PNPLA1: variants seen among roughly 807,000 people sequenced by gnomAD.
The protein encoded by PNPLA1 is patatin like domain 1, omega-hydroxyceramide transacylase, also known as omega-hydroxyceramide transacylase.
A neutral mutation model predicts 51.7 loss-of-function variants in PNPLA1; 36 were observed. The observed-to-expected ratio is 0.70, with a 90% CI of 0.53 to 0.92. The LOEUF (loss-of-function observed/expected upper bound fraction) is 0.92. Among genes scored for constraint, PNPLA1 ranks in the 40% least tolerant of loss-of-function variants. PNPLA1 has a pLI of 0.00. For missense variants in PNPLA1, 658 were observed against 682.5 expected (o/e 0.96, Z 0.40); for synonymous variants, 293 against 280.1 (o/e 1.05, Z -0.46).
At chr6:36,247,146 A>G (rs1378375822) in intron 1 of PNPLA1, among the ~76,000 whole-genome samples, 3 of 152,096 alleles carry the variant, frequency 2.0e-5, no homozygotes, top group African/African-American at 7.2e-5. Flanking sequence ...TTCCTGGTCA[A>G]GCTTGAGCCC....
At chr6:36,278,726 G>A (rs1770187599) in intron 1 of PNPLA1, among the ~76,000 whole-genome samples, 1 of 152,306 alleles carries the variant, frequency 6.6e-6, no homozygotes, top group South Asian at 2.1e-4. Flanking sequence ...TTTGAGCCCA[G>A]TTCCCTCAAG....
chr6:36,274,868 C>T (rs1396173353), intron 1 of PNPLA1, among the ~76,000 whole-genome samples: 1 of 152,202 alleles, frequency 6.6e-6, no homozygotes, highest in Non-Finnish European at 1.5e-5. Context: ...CCACCTTTCC[C>T]TGTTTTTTCC....
chr6:36,269,387 G>A (rs568865409), upstream of PNPLA1, among the ~76,000 whole-genome samples: 75 of 152,308 alleles, frequency 4.9e-4, no homozygotes, highest in African/African-American at 1.7e-3. Context: ...AGCCCCTGGA[G>A]CTAACCCTGG....
chr6:36,270,728 C>G, intron 1 of PNPLA1, 64 bp downstream of exon 1: 2 of 1,516,890 alleles, frequency 1.3e-6, no homozygotes, highest in Non-Finnish European at 1.8e-6. Context: ...ACAGAAGGAG[C>G]GTGAGGGAGG....
Position 36,279,823 on chromosome 6 carries a change from C to T in PNPLA1, c.205+9159C>T, listed in dbSNP as rs570161384. Among the ~76,000 whole-genome samples the T allele has an allele frequency of 5.9e-5, 9 of 152,302 alleles. No individual in the cohort carries two copies. In the East Asian group the frequency reaches 7.7e-4, roughly 13 times the overall value. On this transcript the variant is annotated intron_variant, in intron 1 of 8. Coordinates refer to ENST00000636260, the MANE Select transcript of PNPLA1 (RefSeq NM_001374623.1). ...TGAATGTTGAATGAATGGATGAATA[C>T]GTGAAAAGAAAATTACCTTGAAATA... is the stretch of plus-strand genomic sequence containing the variant.
chr6:36,244,649 G>A (rs988977708), intron 1 of PNPLA1, among the ~76,000 whole-genome samples: 1 of 152,186 alleles, frequency 6.6e-6, no homozygotes, highest in Non-Finnish European at 1.5e-5. Flanking sequence ...CCTAGAAGGG[G>A]AGATGCTGAA....
chr6:36,244,127 C>G (rs1045414706), intron 1 of PNPLA1, among the ~76,000 whole-genome samples: 15 of 152,116 alleles, frequency 9.9e-5, no homozygotes, highest in African/African-American at 3.4e-4. Context: ...CCTCTTCCAC[C>G]TCCTTTTTCT....
intron 1 of PNPLA1, among the ~76,000 whole-genome samples, chr6:36,256,633 A>T (rs1769539599): frequency 6.6e-6 from 1 of 151,952 alleles, no homozygotes; most frequent in South Asian, 2.1e-4. Context: ...TTTTTAGTGG[A>T]GACGGGGTTT....
At chr6:36,273,728 CAAAAAAAAAAAA>C (rs57186870) in intron 1 of PNPLA1, among the ~76,000 whole-genome samples, 1 of 48,208 alleles carries the variant, frequency 2.1e-5, no homozygotes, top group Non-Finnish European at 3.4e-5. Context: ...GACCCCATCG[CAAAAAAAAAAAA>C]AAAAAAAAAA....
chr6:36,292,917 C>T (rs1770732320), intron 2 of PNPLA1, 144 bp from the exon 3 acceptor site: 6 of 622,434 alleles, frequency 9.6e-6, no homozygotes, highest in South Asian at 7.2e-5. Flanking sequence ...GAACTGAACT[C>T]GGAGCTTTGC....
At chr6:36,303,936 T>C (rs990948147) in intron 6 of PNPLA1, among the ~76,000 whole-genome samples, 4 of 152,192 alleles carry the variant, frequency 2.6e-5, no homozygotes, top group Admixed American at 6.5e-5. Context: ...TGGGGCAGTA[T>C]GAAAAGCTTC....
At chr6:36,283,117 A>T (rs939501683) in intron 1 of PNPLA1, among the ~76,000 whole-genome samples, 2 of 152,180 alleles carry the variant, frequency 1.3e-5, no homozygotes, top group African/African-American at 2.4e-5. Flanking sequence ...AACATCTTAC[A>T]TAACCATGGT....
chr6:36,261,617 A>G (rs767330391), intron 1 of PNPLA1, among the ~76,000 whole-genome samples: 1 of 152,266 alleles, frequency 6.6e-6, no homozygotes, highest in Non-Finnish European at 1.5e-5. Flanking sequence ...CTTAGGGCCC[A>G]GCTGTGCTGA....
In PNPLA1 at chr6:36,275,948, TTTTCTTTC is replaced by T. The variant is rs547037174; in HGVS notation, c.205+5304_205+5311del. On this transcript the variant is annotated intron_variant, in intron 1 of 8. Coordinates refer to ENST00000636260, the MANE Select transcript of PNPLA1 (RefSeq NM_001374623.1). ...AATGGGACCTTTTTTACCTATGGCATTTTCTTTCTTTCTTTCTTTCTTTCTTTTGAGAC... is the reference window on the plus strand; with the variant it reads ...AATGGGACCTTTTTTACCTATGGCATTTTCTTTCTTTCTTTCTTTTGAGAC... 3.0e-3 allele frequency among the ~76,000 whole-genome samples: 417 copies of T among 141,300 alleles called. 2 individuals are homozygous for T. The highest frequency in any genetic ancestry group is 5.2e-3 in the Admixed American group (75 of 14,342). 92.7% of individuals were successfully genotyped at this position (141,300 alleles called of 152,430 possible).
chr6:36,248,542 G>C (rs11754979), intron 1 of PNPLA1, among the ~76,000 whole-genome samples: 2 of 148,580 alleles, frequency 1.3e-5, no homozygotes, highest in Non-Finnish European at 3.0e-5. Context: ...TTTTTTTTGA[G>C]ACGGAGTCTT....
At chr6:36,258,432 A>G (rs185688634) in intron 1 of PNPLA1, among the ~76,000 whole-genome samples, 226 of 152,282 alleles carry the variant, frequency 1.5e-3, no homozygotes, top group Non-Finnish European at 2.4e-3. Flanking sequence ...TAAAAAATCC[A>G]TTGCTATTCC....
Position 36,313,672 on chromosome 6 carries a change from G to A in PNPLA1, c.*1786G>A, listed in dbSNP as rs933789514. ...GCCACACCAGTCAAAGGAAGCAGCTGGAGGTGTGTACTGTGGGGGAGACTG... is the reference window on the plus strand; with the variant it reads ...GCCACACCAGTCAAAGGAAGCAGCTAGAGGTGTGTACTGTGGGGGAGACTG... On this transcript the variant is annotated 3_prime_UTR_variant, in exon 9 of 9. Transcript: ENST00000636260. Among the ~76,000 whole-genome samples the A allele has an allele frequency of 1.3e-5, 2 of 152,202 alleles. No individual in the cohort carries two copies. Among genetic ancestry groups the A allele is most frequent in the African/African-American group, 4.8e-5 (2 of 41,458 alleles).
intron 4 of PNPLA1, among the ~76,000 whole-genome samples, chr6:36,295,128 A>C (rs1770817046): frequency 6.6e-6 from 1 of 152,202 alleles, no homozygotes; most frequent in African/African-American, 2.4e-5. Flanking sequence ...GGGGAGGCCG[A>C]GGCTCCACCA....
intron 5 of PNPLA1, among the ~76,000 whole-genome samples, chr6:36,298,613 G>A (rs927157909): frequency 2.6e-5 from 4 of 152,176 alleles, no homozygotes; most frequent in African/African-American, 9.7e-5. Flanking sequence ...CTGTGCTGAT[G>A]ATTTTGACTA....
Sources: allele counts gnomAD v4.1 joint callset (sites outside exome capture counted in the v4.1 genomes callset), GRCh38; gene constraint gnomAD v4.1.1; transcripts MANE v1.5; gene names NCBI Gene and HGNC (gene_info 2026-07-23, HGNC 2026-07-21).